Variants in INPPL1 observed in about 807,000 individuals in gnomAD.
INPPL1 encodes the protein inositol polyphosphate phosphatase like 1.
INPPL1 carries 91 observed loss-of-function variants against 139.3 expected under a neutral mutation model. The observed-to-expected ratio is 0.65, with a 90% CI of 0.55 to 0.78. The LOEUF (loss-of-function observed/expected upper bound fraction) is 0.78. INPPL1 is among the 30% of genes least tolerant of loss of function. The pLI is 0.00. For synonymous variants in INPPL1, 719 were observed against 686.6 expected (o/e 1.05, Z -0.74); for missense variants, 1,411 against 1,665.6 (o/e 0.85, Z 2.66).
At chr11:72,225,728 A>G (rs539431573) in intron 1 of INPPL1, among the ~76,000 whole-genome samples, 6 of 152,268 alleles carry the variant, frequency 3.9e-5, no homozygotes, top group Admixed American at 2.6e-4. Flanking sequence ...GGACCTTGCC[A>G]TTATTTCTGA....
intron 1 of INPPL1, among the ~76,000 whole-genome samples, chr11:72,226,876 C>T (rs1332911746): frequency 3.3e-5 from 5 of 151,904 alleles, no homozygotes; most frequent in Admixed American, 6.6e-5. Context: ...GGGTGAGGAA[C>T]ATTATTGTCC....
Position 72,228,105 on chromosome 11 carries a change from T to C in INPPL1, c.183-85T>C, listed in dbSNP as rs976320934. The stretch of plus-strand genomic sequence containing the variant: ...AACCAAGCTGAGGGGGTTGGGGTGC[T>C]GAGCTTGCTGGCAGGAGGAAGGGGT... On this transcript the variant is annotated intron_variant, in intron 1 of 27. Coordinates refer to ENST00000298229, the MANE Select transcript of INPPL1 (RefSeq NM_001567.4). This position sits in a 1 kb window ranked among gnomAD's most constrained non-coding sequence, Gnocchi z 5.0. The C allele has an allele frequency of 1.4e-6, 2 of 1,457,980 alleles. No homozygotes were observed. The highest frequency in any genetic ancestry group is 2.8e-5 in the African/African-American group (2 of 71,978). 90.3% of individuals were successfully genotyped at this position (1,457,980 alleles called of 1,614,324 possible).
At chr11:72,227,820 G>C in intron 1 of INPPL1, 1 of 328,166 alleles carries the variant, frequency 3.0e-6, no homozygotes, top group Non-Finnish European at 5.8e-6. Flanking sequence ...GGCTAACCAG[G>C]CTTCTGAAGA....
chr11:72,234,151 G>C lies in INPPL1; in HGVS notation c.2213-130G>C. ...ATTCCCTGTTGGTGGCTTGGGACTG[G>C]GGAGGCCCCTCCTGGCCCTGCCTCC... On this transcript the variant is annotated intron_variant, in intron 19 of 27. Transcript: ENST00000298229. This position sits in a 1 kb window ranked among gnomAD's most constrained non-coding sequence, Gnocchi z 4.2. 1 of 691,052 alleles carries C rather than the reference G, an allele frequency of 1.4e-6. No individual in the cohort carries two copies. 42.8% of individuals were successfully genotyped at this position (691,052 alleles called of 1,614,324 possible).
At position 72,231,504 on chromosome 11, in the gene INPPL1, A is replaced by G. The variant is rs996859031; in HGVS notation, c.1504A>G (p.Met502Val). 6 of 1,610,288 alleles carry G rather than the reference A, an allele frequency of 3.7e-6. No individual in the cohort carries two copies. The highest frequency in any genetic ancestry group is 1.7e-5 in the Admixed American group (1 of 59,998). ...CCATGCACTCTCTACCCAGATTGCC[A>G]TGCAATCACTGTGGAATATCAAGGT... ...LTDLDYRPIA[M>V]QSLWNIKVAV... Residue 502 changes from methionine to valine, a missense_variant, in exon 13 of 28, where the codon ATG (methionine) becomes GTG (valine). Met to Val is a conservative substitution (Grantham distance 21). Transcript: ENST00000298229.
Position 72,224,893 on chromosome 11 carries a change from G to A in INPPL1, c.-92G>A, listed in dbSNP as rs1948622770. On this transcript the variant is annotated 5_prime_UTR_variant, in exon 1 of 28. Coordinates refer to ENST00000298229, the MANE Select transcript of INPPL1 (RefSeq NM_001567.4). ...CCGGCCCACGGATCCTCAAGCCCGG[G>A]CCCCGGGCCCGGCCCCAGCCTCAGC... 2.2e-6 allele frequency: 2 copies of A among 907,236 alleles called. No individual in the cohort carries two copies. Among genetic ancestry groups the A allele is most frequent in the African/African-American group, 1.8e-5 (1 of 55,806 alleles). 56.2% of individuals were successfully genotyped at this position (907,236 alleles called of 1,614,324 possible). A position where few individuals can be genotyped will look rare whatever the true frequency, so the allele number is the denominator to read the frequency against.
rs773210890 is a variant in INPPL1, at chr11:72,229,740, C to T, written c.831C>T (p.Gly277=). The T allele has an allele frequency of 1.2e-6, 2 of 1,613,774 alleles. No homozygotes were observed. The highest frequency in any genetic ancestry group is 1.3e-5 in the African/African-American group (1 of 75,020). ...CAGTGCTAAAGGACTTCCTGTCAGG[C>T]ATCCAGAAGAAGGTGGCATGATCTC... ...KLSVLKDFLS[G]IQKKALKALQ... The change falls in exon 7 of 28, where the codon GGC becomes GGT. Residue 277 remains glycine, a synonymous_variant. Coordinates refer to ENST00000298229, the MANE Select transcript of INPPL1 (RefSeq NM_001567.4).
chr11:72,237,654 C>T lies in INPPL1; in HGVS notation c.3410C>T (p.Pro1137Leu), dbSNP rs1365666010. 1 of 1,611,508 alleles carries T rather than the reference C, an allele frequency of 6.2e-7. No individual in the cohort carries two copies. The highest frequency in any genetic ancestry group is 8.5e-7 in the Non-Finnish European group (1 of 1,179,052). ...ACGCTGAGCGAGGTGGACTATGCCC[C>T]TGCTGGGCCTGCACGCTCAGCGCTC... ...AKTLSEVDYAPAGPARSALLP... is the reference protein window; with the variant it reads ...AKTLSEVDYALAGPARSALLP... The change falls in exon 26 of 28, where the codon CCT (proline) becomes CTT (leucine). Residue 1137 changes from proline (P) to leucine (L), a missense_variant. Transcript: ENST00000298229.
In INPPL1 at chr11:72,228,464, A is replaced by G. The variant is rs1213145171; in HGVS notation, c.363A>G (p.Arg121=). 2 of 1,610,382 alleles carry G rather than the reference A, an allele frequency of 1.2e-6. No homozygotes were observed. Among genetic ancestry groups the G allele is most frequent in the Admixed American group, 1.7e-5 (1 of 60,022 alleles). Residue 121 remains arginine (R), a synonymous_variant, in exon 3 of 28, where the codon CGA becomes CGG. Transcript: ENST00000298229. This position sits in a 1 kb window ranked among gnomAD's most constrained non-coding sequence, Gnocchi z 5.0. ...CALLLPVEGE[R]EPDPPDDRDA... Reference sequence around the variant, plus strand: ...TGCTTCTTCCTGTAGAGGGTGAGCGAGAGCCGGACCCACCGGATGACCGGG... The same window carrying G: ...TGCTTCTTCCTGTAGAGGGTGAGCGGGAGCCGGACCCACCGGATGACCGGG...
rs939678424 is a variant in INPPL1, at chr11:72,238,375, G to A, written c.*22G>A. On this transcript the variant is annotated 3_prime_UTR_variant, in exon 28 of 28. Coordinates refer to ENST00000298229, the MANE Select transcript of INPPL1 (RefSeq NM_001567.4). ...GTGATAGCGGAGGCACCACGAAGCT[G>A]TGAACTCAGAGCCCCTCCCTGCTAC... is the stretch of plus-strand genomic sequence containing the variant. The A allele has an allele frequency of 2.6e-6, 4 of 1,515,768 alleles. No homozygotes were observed. The highest frequency in any genetic ancestry group is 2.2e-5 in the Admixed American group (1 of 45,024). The allele number at this position is 1,515,768 out of a possible 1,614,324, so 93.9% of individuals were successfully genotyped here.
chr11:72,235,760 T>C lies in INPPL1; in HGVS notation c.2738+7T>C, dbSNP rs1334861586. The C allele has an allele frequency of 6.2e-7, 1 of 1,613,870 alleles. No individual in the cohort carries two copies. Among genetic ancestry groups the C allele is most frequent in the African/African-American group, 1.3e-5 (1 of 74,904 alleles). ...GAGGGAGCCAGGAGCCCAGGTGAGCTAGGGCTGTGTTGAATGTCATATGAA... is the reference window on the plus strand; with the variant it reads ...GAGGGAGCCAGGAGCCCAGGTGAGCCAGGGCTGTGTTGAATGTCATATGAA... On this transcript the variant is annotated splice_region_variant and intron_variant, in intron 24 of 27. Coordinates refer to ENST00000298229, the MANE Select transcript of INPPL1 (RefSeq NM_001567.4). The surrounding 1 kb of genome is among the most constrained non-coding windows in gnomAD (Gnocchi z 4.9).
In INPPL1 at chr11:72,230,409, G is replaced by A. The variant is rs758880304; in HGVS notation, c.1138G>A (p.Val380Met). 1 of 1,614,156 alleles carries A rather than the reference G, an allele frequency of 6.2e-7. No homozygotes were observed. The highest frequency in any genetic ancestry group is 1.1e-5 in the South Asian group (1 of 91,082). Reference sequence around the variant, plus strand: ...GCGTGTCCAGAACAAGCTGGGTGTTGTGTTTGAGAAGGAGAAGGACCGGAC... The same window carrying A: ...GCGTGTCCAGAACAAGCTGGGTGTTATGTTTGAGAAGGAGAAGGACCGGAC... ...SQRVQNKLGVVFEKEKDRTQR... is the reference protein window; with the variant it reads ...SQRVQNKLGVMFEKEKDRTQR... Residue 380 changes from valine to methionine, a missense_variant, in exon 10 of 28, where the codon GTG becomes ATG. Transcript: ENST00000298229.
chr11:72,234,615 G>A lies in INPPL1; in HGVS notation c.2415G>A (p.Thr805=). Reference sequence around the variant, plus strand: ...AGTGGTCTTCACGCCAGCTGCCCACGGTGAGGCTGTGGGCAGGGCCCCTGC... The same window carrying A: ...AGTGGTCTTCACGCCAGCTGCCCACAGTGAGGCTGTGGGCAGGGCCCCTGC... ...KVQWSSRQLP[T]LKPILADIEY... The change falls in exon 21 of 28, where the codon ACG becomes ACA. Residue 805 remains threonine, a splice_region_variant and synonymous_variant. Transcript: ENST00000298229. The surrounding 1 kb of genome is among the most constrained non-coding windows in gnomAD (Gnocchi z 4.2). The A allele has an allele frequency of 4.4e-6, 7 of 1,608,342 alleles. No homozygotes were observed. The highest frequency in any genetic ancestry group is 2.2e-5 in the East Asian group (1 of 44,788).
At chr11:72,233,945 T>C (rs1948909611) in intron 19 of INPPL1, among the ~76,000 whole-genome samples, 1 of 152,180 alleles carries the variant, frequency 6.6e-6, no homozygotes, top group Non-Finnish European at 1.5e-5. Flanking sequence ...CATGAGTGTG[T>C]GTGCATACGT....
chr11:72,235,409 CG>C lies in INPPL1; in HGVS notation c.2620del (p.Val874CysfsTer84). The stretch of plus-strand genomic sequence containing the variant: ...CAATATCAGAGGCTCCATGAAGGTG[CG>C]GGTGCCCACGGAGCGCCTGGGCACC... ...TGNIRGSMKV[R>X]VPTERLGTRE... On this transcript the variant is annotated frameshift_variant, in exon 23 of 28. Transcript: ENST00000298229. LOFTEE classifies it high-confidence loss of function. The surrounding 1 kb of genome is among the most constrained non-coding windows in gnomAD (Gnocchi z 4.9). 6.2e-7 allele frequency: 1 copy of C among 1,613,580 alleles called. No individual in the cohort carries two copies. The highest frequency in any genetic ancestry group is 8.5e-7 in the Non-Finnish European group (1 of 1,179,970).
At position 72,234,354 on chromosome 11, in the gene INPPL1, C is replaced by T. The variant is rs1445337953; in HGVS notation, c.2286C>T (p.Arg762=). ...AGGCCATTGTGAAGACAGCCAGCCG[C>T]ACCAAGTTCTTCATCGAGTTCTACT... The part of the protein sequence containing the change: ...SIEAIVKTAS[R]TKFFIEFYST... Residue 762 remains arginine (R), a synonymous_variant, in exon 20 of 28, where the codon CGC becomes CGT. Transcript: ENST00000298229. The surrounding 1 kb of genome is among the most constrained non-coding windows in gnomAD (Gnocchi z 4.2). The T allele has an allele frequency of 1.2e-6, 2 of 1,614,014 alleles. No homozygotes were observed. Among genetic ancestry groups the T allele is most frequent in the African/African-American group, 2.7e-5 (2 of 74,904 alleles).
At chr11:72,224,323 G>A (rs1223682864), upstream of INPPL1, among the ~76,000 whole-genome samples, 7 of 151,880 alleles carry the variant, frequency 4.6e-5, no homozygotes, top group Non-Finnish European at 7.4e-5. Context: ...CGCTTGGGTG[G>A]AGGGAAGAGG....
At position 72,234,392 on chromosome 11, in the gene INPPL1, A is replaced by G. The variant is rs1290159464; in HGVS notation, c.2324A>G (p.Glu775Gly). The G allele has an allele frequency of 1.2e-6, 2 of 1,613,340 alleles. No individual in the cohort carries two copies. Among genetic ancestry groups the G allele is most frequent in the South Asian group, 2.2e-5 (2 of 91,058 alleles). ...FFIEFYSTCLEEYKKSFENDA... is the reference protein window; with the variant it reads ...FFIEFYSTCLGEYKKSFENDA... ...ATCGAGTTCTACTCTACCTGCCTGG[A>G]GGGTCAGAGGCGTGGCAGGGGCTGG... The change falls in exon 20 of 28, where the codon GAG becomes GGG. Residue 775 changes from glutamate (E) to glycine (G), a missense_variant and splice_region_variant. By Grantham distance (98) the Glu-to-Gly change is moderately conservative. Transcript: ENST00000298229. This position sits in a 1 kb window ranked among gnomAD's most constrained non-coding sequence, Gnocchi z 4.2.
At position 72,232,312 on chromosome 11, in the gene INPPL1, C is replaced by T; in HGVS notation, c.1688C>T (p.Thr563Ile). The T allele has an allele frequency of 6.4e-7, 1 of 1,553,398 alleles. No individual in the cohort carries two copies. The highest frequency in any genetic ancestry group is 1.4e-5 in the African/African-American group (1 of 73,304). ...TSFGFVNCHL[T>I]SGNEKTARRN... The stretch of plus-strand genomic sequence containing the variant: ...TTTGGCTTTGTGAATTGTCACCTCA[C>T]CTCGGGAAATGAGAAGACGGCTCGG... The change falls in exon 14 of 28, where the codon ACC becomes ATC. Residue 563 changes from threonine (T) to isoleucine (I), a missense_variant. Transcript: ENST00000298229.
Sources: gnomAD v4.1 joint callset for allele counts (sites outside exome capture counted in the v4.1 genomes callset) on GRCh38, gnomAD v4.1.1 for gene constraint, Gnocchi (gnomAD v3.1) non-coding constraint, MANE v1.5 for transcripts, NCBI Gene and HGNC (gene_info 2026-07-23, HGNC 2026-07-21) for gene names.